Variants in RGL1 observed in about 807,000 individuals in gnomAD.
RGL1 encodes the protein ral guanine nucleotide dissociation stimulator-like 1.
In RGL1, 24 loss-of-function variants were observed where a neutral mutation model predicts 95.2. That is an observed-to-expected ratio of 0.25 (90% confidence interval 0.18 to 0.35). The LOEUF (loss-of-function observed/expected upper bound fraction) is 0.35, where lower values mean the gene tolerates loss of function less well. Among genes scored for constraint, RGL1 ranks in the 10% least tolerant of loss-of-function variants. RGL1 has a pLI of 1.00. For synonymous variants in RGL1, 329 were observed against 344.9 expected, an observed-to-expected ratio of 0.95 and a Z score of 0.51; for missense variants, 715 against 936.3, an observed-to-expected ratio of 0.76 and a Z score of 3.08.
intron 1 of RGL1, among the ~76,000 whole-genome samples, chr1:183,729,948 G>A (rs1656532336): frequency 1.3e-5 from 2 of 152,162 alleles, no homozygotes; most frequent in South Asian, 4.1e-4. Flanking sequence ...GTTCATGGTT[G>A]CCCGGGGCCA....
intron 1 of RGL1, among the ~76,000 whole-genome samples, chr1:183,718,918 A>C (rs982702734): frequency 1.1e-4 from 16 of 152,176 alleles, no homozygotes; most frequent in African/African-American, 3.9e-4. Context: ...GTCTAAAAAA[A>C]ACAAAACAAA....
chr1:183,909,146 A>G (rs1668503686), intron 14 of RGL1, among the ~76,000 whole-genome samples: 1 of 152,232 alleles, frequency 6.6e-6, no homozygotes, highest in Non-Finnish European at 1.5e-5. Flanking sequence ...TTATGAAAGC[A>G]GTTCATATGC....
chr1:183,805,955 CTTTTTCTTTTCTTTTCTTTTTTTTTTT>C (rs1661268997), intron 1 of RGL1, among the ~76,000 whole-genome samples: 3 of 50,804 alleles, frequency 5.9e-5, no homozygotes, highest in Non-Finnish European at 1.3e-4. Context: ...TTTTCTTTTT[CTTTTTCTTTTCTTTTCTTTTTTTTTTT>C]TTTTTTTTTT....
chr1:183,879,626 C>T (rs558963620), intron 4 of RGL1, among the ~76,000 whole-genome samples: 71 of 152,262 alleles, frequency 4.7e-4, no homozygotes, highest in African/African-American at 1.3e-3. Flanking sequence ...GTGACTATTC[C>T]GGGACCGTAT....
upstream of RGL1, chr1:183,805,096 T>C: frequency 2.0e-6 from 1 of 505,776 alleles, no homozygotes. Context: ...CCTCGCTTGC[T>C]CGCTCGCTCG....
At chr1:183,750,440 T>C (rs1657920201) in intron 2 of RGL1, among the ~76,000 whole-genome samples, 1 of 152,246 alleles carries the variant, frequency 6.6e-6, no homozygotes, top group South Asian at 2.1e-4. Context: ...CTAAATTGGT[T>C]ATTCTAGTTA....
rs1425193535 is a variant in RGL1 at position 183,724,794 on chromosome 1, T to C, written c.-32-17332T>C. 6.6e-6 allele frequency among the ~76,000 whole-genome samples: 1 copy of C among 152,062 alleles called. No homozygotes were observed. Among genetic ancestry groups the C allele is most frequent in the African/African-American group, 2.4e-5 (1 of 41,384 alleles). On this transcript the variant is annotated intron_variant, in intron 1 of 18. Transcript: ENST00000304685. This position sits in a 1 kb window ranked among gnomAD's most constrained non-coding sequence, Gnocchi z 4.1. ...CATGGCTGTTTTCACCACCTGCTAA[T>C]TATAGAACCTTAGGGCCTTGAGTGA...
upstream of RGL1, among the ~76,000 whole-genome samples, chr1:183,801,941 C>T (rs1297905889): frequency 6.6e-6 from 1 of 152,172 alleles, no homozygotes; most frequent in African/African-American, 2.4e-5. Context: ...CTCCATGATC[C>T]AGACACCTCC....
chr1:183,712,497 G>C (rs1191066230), intron 1 of RGL1, among the ~76,000 whole-genome samples: 1 of 151,988 alleles, frequency 6.6e-6, no homozygotes, highest in East Asian at 1.9e-4. Flanking sequence ...GAGAGAGAGA[G>C]TGTGTGTGTG....
chr1:183,843,520 TCATCAG>T (rs1664204540), intron 2 of RGL1, among the ~76,000 whole-genome samples: 1 of 152,236 alleles, frequency 6.6e-6, no homozygotes, highest in Non-Finnish European at 1.5e-5. Context: ...GGGACCCACT[TCATCAG>T]GTCCTTTGAC....
At chr1:183,776,444 G>C (rs10157939) in intron 2 of RGL1, among the ~76,000 whole-genome samples, 28,142 of 151,964 alleles carry the variant, frequency 0.19, 3,721 homozygotes, top group African/African-American at 0.37. Flanking sequence ...CACCGCGCCC[G>C]GCCAGATTTT....
At chr1:183,656,429 G>A (rs529564306) in intron 1 of RGL1, among the ~76,000 whole-genome samples, 23 of 152,282 alleles carry the variant, frequency 1.5e-4, no homozygotes, top group African/African-American at 5.5e-4. Flanking sequence ...TCAGCGAATT[G>A]TAACCTAACT....
chr1:183,913,719 A>G (rs1315066456), intron 15 of RGL1, among the ~76,000 whole-genome samples: 1 of 152,168 alleles, frequency 6.6e-6, no homozygotes, highest in Non-Finnish European at 1.5e-5. Context: ...TCAAGGGGAC[A>G]TGTGTGTTGC....
chr1:183,673,717 C>T (rs74341654), intron 1 of RGL1, among the ~76,000 whole-genome samples: 9,650 of 152,254 alleles, frequency 0.063, 514 homozygotes, highest in African/African-American at 0.14. Context: ...CACACTATTG[C>T]TAGAAATAGA....
chr1:183,923,528 GGTCTAAAGGTCCAGGA>G lies in RGL1; in HGVS notation c.2119+1197_2119+1212del, dbSNP rs1458696069. ...ACACAGCACTAAGGTGAGGCTGGTG[GGTCTAAAGGTCCAGGA>G]GTCTCGAGGGGTAGCCAGGACCCAG... On this transcript the variant is annotated intron_variant, in intron 17 of 17. Coordinates refer to ENST00000360851, the MANE Select transcript of RGL1 (RefSeq NM_001297671.3). Among the ~76,000 whole-genome samples the G allele has an allele frequency of 2.6e-5, 4 of 152,186 alleles. No homozygotes were observed. The East Asian group carries it at 7.7e-4, about 29-fold the overall frequency.
At chr1:183,735,174 A>G (rs1376756398) in intron 1 of RGL1, among the ~76,000 whole-genome samples, 2 of 152,200 alleles carry the variant, frequency 1.3e-5, no homozygotes, top group African/African-American at 4.8e-5. Context: ...ATCAACTGGA[A>G]TAAAGCAAGA....
chr1:183,921,770 C>G (rs1669319425), intron 16 of RGL1, among the ~76,000 whole-genome samples: 1 of 152,142 alleles, frequency 6.6e-6, no homozygotes, highest in African/African-American at 2.4e-5. Flanking sequence ...CACAGGGTCA[C>G]CTGTACTTTT....
intron 2 of RGL1, among the ~76,000 whole-genome samples, chr1:183,775,553 GA>G (rs1452673249): frequency 6.6e-6 from 1 of 152,202 alleles, no homozygotes; most frequent in Non-Finnish European, 1.5e-5. Flanking sequence ...GCAATGAAGA[GA>G]AAAGCCCATG....
chr1:183,764,405 G>C (rs1286314713), intron 2 of RGL1, among the ~76,000 whole-genome samples: 2 of 152,152 alleles, frequency 1.3e-5, no homozygotes, highest in Admixed American at 6.5e-5. Flanking sequence ...TTATGGGTGA[G>C]GGGTCTGGCA....
Sources: gnomAD v4.1 joint callset for allele counts (sites outside exome capture counted in the v4.1 genomes callset) on GRCh38, gnomAD v4.1.1 for gene constraint, Gnocchi (gnomAD v3.1) non-coding constraint, MANE v1.5 for transcripts, NCBI Gene and HGNC (gene_info 2026-07-23, HGNC 2026-07-21) for gene names.